COLEC12: variants seen among roughly 807,000 people sequenced by gnomAD.
The protein encoded by COLEC12 is collectin-12.
COLEC12 carries 33 observed loss-of-function variants against 71.1 expected under a neutral mutation model. The ratio of observed to expected loss-of-function variants is 0.46; its 90% confidence interval spans 0.35 to 0.62. The LOEUF (loss-of-function observed/expected upper bound fraction) is 0.62, where lower values mean the gene tolerates loss of function less well. Ranked by LOEUF, COLEC12 falls within the 20% of genes least tolerant of loss-of-function variation. The pLI, the probability that COLEC12 is intolerant of heterozygous loss-of-function variation, is 0.00. For missense variants in COLEC12, 765 were observed against 916.1 expected, an observed-to-expected ratio of 0.84 and a Z score of 2.13; for synonymous variants, 350 against 353.0, an observed-to-expected ratio of 0.99 and a Z score of 0.10.
intron 2 of COLEC12, among the ~76,000 whole-genome samples, chr18:471,621 A>G (rs958466469): frequency 6.6e-6 from 1 of 151,236 alleles, no homozygotes; most frequent in Non-Finnish European, 1.5e-5. Context: ...TAAAAGTGAA[A>G]CAAATTATAA....
intron 6 of COLEC12, chr18:333,522 T>C (rs541967105): frequency 1.7e-4 from 28 of 160,508 alleles, no homozygotes; most frequent in African/African-American, 6.7e-4. Context: ...GCACCAAAAC[T>C]GGGCTCACGG....
chr18:454,130 G>A (rs1480366341), intron 2 of COLEC12, among the ~76,000 whole-genome samples: 1 of 150,384 alleles, frequency 6.6e-6, no homozygotes, highest in African/African-American at 2.5e-5. Context: ...CCTCCCCATG[G>A]GCCCCCTGGT....
At chr18:414,355 C>T (rs570810312) in intron 2 of COLEC12, among the ~76,000 whole-genome samples, 11 of 152,106 alleles carry the variant, frequency 7.2e-5, no homozygotes, top group Middle Eastern at 3.4e-3. Flanking sequence ...TTTGGGAGGC[C>T]GAGGCGGGTG....
intron 8 of COLEC12, among the ~76,000 whole-genome samples, chr18:322,027 T>C (rs745472247): frequency 2.0e-5 from 3 of 152,244 alleles, no homozygotes; most frequent in Non-Finnish European, 4.4e-5. Context: ...CTTGTGATCT[T>C]TGCTACCATG....
At position 408,700 on chromosome 18, in the gene COLEC12, G is replaced by T. The variant is rs2143631127; in HGVS notation, c.59-51178C>A. The stretch of plus-strand genomic sequence containing the variant: ...GTCAAATTTCAGACAGAGGAAGTAG[G>T]TCTAAATTCATTAATGTGTATAGAT... On this transcript the variant is annotated intron_variant, in intron 2 of 9. Transcript: ENST00000400256. The surrounding 1 kb of genome is among the most constrained non-coding windows in gnomAD (Gnocchi z 4.3). Among the ~76,000 whole-genome samples the T allele has an allele frequency of 6.6e-6, 1 of 152,174 alleles. No homozygotes were observed. The highest frequency in any genetic ancestry group is 2.1e-4 in the South Asian group (1 of 4,824).
At chr18:323,476 A>G (rs1434296391) in intron 8 of COLEC12, among the ~76,000 whole-genome samples, 1 of 152,258 alleles carries the variant, frequency 6.6e-6, no homozygotes, top group African/African-American at 2.4e-5. Context: ...CTTACAGCTT[A>G]CATAACAGAT....
At chr18:466,845 A>G (rs1265612231) in intron 2 of COLEC12, among the ~76,000 whole-genome samples, 2 of 152,136 alleles carry the variant, frequency 1.3e-5, no homozygotes, top group Non-Finnish European at 2.9e-5. Flanking sequence ...AGAACTGAAC[A>G]AGATGGCCTT....
At position 500,631 on chromosome 18, in the gene COLEC12, C is replaced by G; in HGVS notation, c.-117G>C. 1 of 828,838 alleles carries G rather than the reference C, an allele frequency of 1.2e-6. No homozygotes were observed. The highest frequency in any genetic ancestry group is 1.6e-6 in the Non-Finnish European group (1 of 643,190). The allele number at this position is 828,838 out of a possible 1,614,324, so 51.3% of individuals were successfully genotyped here. ...CCATGGTAGCCGCGCCGCGCGCCGGCCGTCTGCGCCCCCGTCCTCCCTCGC... is the reference window on the plus strand; with the variant it reads ...CCATGGTAGCCGCGCCGCGCGCCGGGCGTCTGCGCCCCCGTCCTCCCTCGC... On this transcript the variant is annotated 5_prime_UTR_variant, in exon 1 of 10. Coordinates refer to ENST00000400256, the MANE Select transcript of COLEC12 (RefSeq NM_130386.3). The surrounding 1 kb of genome is among the most constrained non-coding windows in gnomAD (Gnocchi z 5.3).
intron 2 of COLEC12, among the ~76,000 whole-genome samples, chr18:361,725 T>G (rs1914748415): frequency 6.6e-6 from 1 of 152,206 alleles, no homozygotes; most frequent in South Asian, 2.1e-4. Flanking sequence ...CATTCCATGC[T>G]GAGAAACCAT....
rs1472575184 is a variant in COLEC12, at chr18:364,732, T to C, written c.59-7210A>G. Among the ~76,000 whole-genome samples the C allele has an allele frequency of 2.6e-5, 4 of 152,292 alleles. No individual in the cohort carries two copies. The East Asian group carries it at 7.7e-4, about 29-fold the overall frequency. On this transcript the variant is annotated intron_variant, in intron 2 of 9. Transcript: ENST00000400256. Reference sequence around the variant, plus strand: ...AGACATTTCTTGAGTGGGTGAGAGTTTGCTATTGCTGTGAATGTGAAGAGG... The same window carrying C: ...AGACATTTCTTGAGTGGGTGAGAGTCTGCTATTGCTGTGAATGTGAAGAGG...
Position 374,469 on chromosome 18 carries a change from C to A in COLEC12, c.59-16947G>T, listed in dbSNP as rs537600160. On this transcript the variant is annotated intron_variant, in intron 2 of 9. Transcript: ENST00000400256. ...AAGCCACATGGAAACTATGACCTCG[C>A]CCCTGAAAATCACCCACAGGCATAT... is the stretch of plus-strand genomic sequence containing the variant. Among the ~76,000 whole-genome samples, 23 of 152,286 alleles carry A rather than the reference C, an allele frequency of 1.5e-4. No individual in the cohort carries two copies. The South Asian group carries it at 4.4e-3, about 29-fold the overall frequency.
At chr18:412,108 A>G (rs945874455) in intron 2 of COLEC12, among the ~76,000 whole-genome samples, 1 of 152,238 alleles carries the variant, frequency 6.6e-6, no homozygotes, top group Non-Finnish European at 1.5e-5. Flanking sequence ...CTACATATTC[A>G]GATGATGAGT....
intron 5 of COLEC12, among the ~76,000 whole-genome samples, chr18:344,888 C>T (rs1914336242): frequency 6.6e-6 from 1 of 152,250 alleles, no homozygotes; most frequent in African/African-American, 2.4e-5. Flanking sequence ...TCAAGTCACA[C>T]AAGCATTGCT....
At chr18:455,652 C>G (rs1422054939) in intron 2 of COLEC12, among the ~76,000 whole-genome samples, 3 of 151,698 alleles carry the variant, frequency 2.0e-5, no homozygotes. Context: ...CCTTTGCCCC[C>G]CCCTCCCCTG....
At chr18:368,446 T>C (rs1977934) in intron 2 of COLEC12, among the ~76,000 whole-genome samples, 95,479 of 152,022 alleles carry the variant, frequency 0.63, 30,102 homozygotes, top group East Asian at 0.83. Flanking sequence ...TAGTGGCACA[T>C]GCCTGTAGTC....
At chr18:422,925 C>T (rs1404925054) in intron 2 of COLEC12, among the ~76,000 whole-genome samples, 1 of 152,214 alleles carries the variant, frequency 6.6e-6, no homozygotes, top group African/African-American at 2.4e-5. Context: ...CACAGCCAGC[C>T]AGCCCAAGAA....
intron 2 of COLEC12, among the ~76,000 whole-genome samples, chr18:466,203 G>A (rs1045495599): frequency 1.3e-5 from 2 of 152,154 alleles, no homozygotes; most frequent in African/African-American, 2.4e-5. Context: ...TCGCACCACT[G>A]CACTCCAGCC....
intron 2 of COLEC12, among the ~76,000 whole-genome samples, chr18:370,543 A>G (rs646873): frequency 0.087 from 13,215 of 152,274 alleles, 613 homozygotes; most frequent in South Asian, 0.16. Flanking sequence ...CATACATTTT[A>G]TTTTTAATTT....
intron 2 of COLEC12, among the ~76,000 whole-genome samples, chr18:473,628 G>T (rs931513561): frequency 6.6e-6 from 1 of 152,212 alleles, no homozygotes; most frequent in Non-Finnish European, 1.5e-5. Flanking sequence ...CTCCCAAAGT[G>T]CTGGGATTAC....
Sources: allele counts gnomAD v4.1 joint callset (sites outside exome capture counted in the v4.1 genomes callset), GRCh38; gene constraint gnomAD v4.1.1; non-coding constraint Gnocchi (gnomAD v3.1); transcripts MANE v1.5; gene names NCBI Gene and HGNC (gene_info 2026-07-23, HGNC 2026-07-21).